Variants in RALGAPA1 observed in about 807,000 individuals in gnomAD.
The protein encoded by RALGAPA1 is ral GTPase-activating protein subunit alpha-1.
In RALGAPA1, 52 loss-of-function variants were observed where a neutral mutation model predicts 269.6. The observed-to-expected ratio is 0.19, with a 90% CI of 0.15 to 0.24. RALGAPA1 has a LOEUF of 0.24. Among genes scored for constraint, RALGAPA1 ranks in the 10% least tolerant of loss-of-function variants. The pLI is 1.00. For synonymous variants in RALGAPA1, 817 were observed against 1,008.3 expected (o/e 0.81, Z 3.60); for missense variants, 1,917 against 3,013.9 (o/e 0.64, Z 8.52).
chr14:35,586,818 T>C (rs944389997), intron 37 of RALGAPA1, among the ~76,000 whole-genome samples: 13 of 152,378 alleles, frequency 8.5e-5, no homozygotes, highest in African/African-American at 2.6e-4. Flanking sequence ...GCCAACCTGA[T>C]TGTGGTACAT....
intron 26 of RALGAPA1, among the ~76,000 whole-genome samples, chr14:35,666,742 A>G (rs182145910): frequency 1.3e-5 from 2 of 152,308 alleles, no homozygotes; most frequent in East Asian, 3.9e-4. Flanking sequence ...AGGAGAAATT[A>G]GTCATTTCAA....
intron 31 of RALGAPA1, among the ~76,000 whole-genome samples, chr14:35,650,183 C>T (rs1460540651): frequency 6.6e-6 from 1 of 151,836 alleles, no homozygotes; most frequent in African/African-American, 2.4e-5. Flanking sequence ...ACCGGCCTGG[C>T]CAAGATGATG....
intron 1 of RALGAPA1, among the ~76,000 whole-genome samples, chr14:35,805,153 G>A (rs548788448): frequency 3.3e-5 from 5 of 151,926 alleles, no homozygotes; most frequent in African/African-American, 7.2e-5. Flanking sequence ...GCGGGGCGCC[G>A]TGGCTCATGC....
intron 24 of RALGAPA1, 22 bp downstream of exon 24, chr14:35,674,158 A>T (rs1802593877): frequency 6.6e-7 from 1 of 1,521,004 alleles, no homozygotes; most frequent in Non-Finnish European, 9.0e-7. Context: ...TTTTAAACTA[A>T]TATTTTATAT....
chr14:35,760,012 A>G (rs2073568926), intron 6 of RALGAPA1, among the ~76,000 whole-genome samples: 1 of 152,172 alleles, frequency 6.6e-6, no homozygotes, highest in Non-Finnish European at 1.5e-5. Context: ...CTGAAATTAT[A>G]CATTTTTAAA....
intron 36 of RALGAPA1, among the ~76,000 whole-genome samples, chr14:35,597,059 C>G (rs1017117864): frequency 9.2e-5 from 14 of 152,116 alleles, no homozygotes; most frequent in Non-Finnish European, 1.8e-4. Context: ...ATTTAGTCCC[C>G]TACTTGAAGG....
intron 6 of RALGAPA1, among the ~76,000 whole-genome samples, chr14:35,760,494 G>A (rs1317720126): frequency 5.9e-5 from 9 of 152,174 alleles, no homozygotes; most frequent in Admixed American, 5.2e-4. Context: ...TGCTTAATCT[G>A]GGTTGCCTGT....
At chr14:35,800,380 T>C (rs2076882479) in intron 1 of RALGAPA1, among the ~76,000 whole-genome samples, 1 of 152,148 alleles carries the variant, frequency 6.6e-6, no homozygotes, top group Non-Finnish European at 1.5e-5. Context: ...ATTCAGGTTA[T>C]AAAAAATAGT....
At chr14:35,703,128 A>G (rs1355389526) in intron 16 of RALGAPA1, among the ~76,000 whole-genome samples, 2 of 151,994 alleles carry the variant, frequency 1.3e-5, no homozygotes, top group African/African-American at 2.4e-5. Context: ...AACTTTTTCC[A>G]TATTTGCAGT....
intron 37 of RALGAPA1, among the ~76,000 whole-genome samples, chr14:35,588,588 T>C (rs1299959507): frequency 1.3e-5 from 2 of 152,196 alleles, no homozygotes; most frequent in Non-Finnish European, 2.9e-5. Flanking sequence ...GAATGACTAT[T>C]ATCAAAAAGA....
chr14:35,733,316 A>G (rs1391699949), intron 12 of RALGAPA1, among the ~76,000 whole-genome samples: 1 of 152,084 alleles, frequency 6.6e-6, no homozygotes, highest in African/African-American at 2.4e-5. Flanking sequence ...CGTCTCTACT[A>G]AAAATACAAA....
intron 36 of RALGAPA1, among the ~76,000 whole-genome samples, chr14:35,602,571 T>C (rs932991813): frequency 9.2e-5 from 14 of 152,342 alleles, no homozygotes; most frequent in African/African-American, 3.4e-4. Flanking sequence ...GCAAAGGATG[T>C]TGAGCACCTT....
chr14:35,722,983 A>G, intron 15 of RALGAPA1, 44 bp downstream of exon 15: 1 of 1,242,878 alleles, frequency 8.0e-7, no homozygotes, highest in Non-Finnish European at 1.1e-6. Context: ...TGACTCAATT[A>G]TTTAAACAAA....
intron 31 of RALGAPA1, among the ~76,000 whole-genome samples, chr14:35,638,322 G>C (rs2061791612): frequency 6.6e-6 from 1 of 152,062 alleles, no homozygotes; most frequent in African/African-American, 2.4e-5. Context: ...TAAAAAGCAG[G>C]GGGATTAAGT....
chr14:35,578,627 A>C (rs988767364), intron 37 of RALGAPA1, among the ~76,000 whole-genome samples: 2 of 152,234 alleles, frequency 1.3e-5, no homozygotes, highest in African/African-American at 4.8e-5. Context: ...GTGGGCATTC[A>C]ATAAATACTG....
chr14:35,777,556 T>G (rs979787515), intron 1 of RALGAPA1, among the ~76,000 whole-genome samples: 5 of 152,186 alleles, frequency 3.3e-5, no homozygotes, highest in African/African-American at 1.2e-4. Context: ...CAAAATAGAA[T>G]TTTTTGTTTC....
chr14:35,786,380 C>T (rs1253154258), intron 1 of RALGAPA1, among the ~76,000 whole-genome samples: 1 of 152,078 alleles, frequency 6.6e-6, no homozygotes, highest in Non-Finnish European at 1.5e-5. Flanking sequence ...TAGCTCAGGC[C>T]TGTAATCCCA....
intron 4 of RALGAPA1, among the ~76,000 whole-genome samples, chr14:35,769,825 C>A (rs969956457): frequency 6.6e-6 from 1 of 152,092 alleles, no homozygotes; most frequent in African/African-American, 2.4e-5. Context: ...ACAAATATCA[C>A]AAAGAAAAGT....
chr14:35,775,730 A>C lies in RALGAPA1; in HGVS notation c.122T>G (p.Ile41Ser), dbSNP rs773311210. 6.4e-7 allele frequency: 1 copy of C among 1,554,766 alleles called. No homozygotes were observed. The highest frequency in any genetic ancestry group is 1.3e-5 in the South Asian group (1 of 78,834). ...LRIVIENAES[I>S]DLKQFFDQHF... ...TTGGTCGAAAAACTGTTTAAGATCA[A>C]TAGATTCTGCATTCTCTGAAAAATA... Residue 41 changes from isoleucine (I) to serine (S), a missense_variant, in exon 2 of 42, where the codon ATT (isoleucine) becomes AGT (serine). By Grantham distance (142) the Ile-to-Ser change is moderately radical. Coordinates refer to ENST00000680220, the MANE Select transcript of RALGAPA1 (RefSeq NM_001346249.2).
Sources: gnomAD v4.1 joint callset for allele counts (sites outside exome capture counted in the v4.1 genomes callset) on GRCh38, gnomAD v4.1.1 for gene constraint, MANE v1.5 for transcripts, NCBI Gene and HGNC (gene_info 2026-07-23, HGNC 2026-07-21) for gene names.